Variants in NUDCD1 observed in about 807,000 individuals in gnomAD.
NUDCD1 encodes the protein NudC domain containing 1.
In NUDCD1, 60 loss-of-function variants were observed where a neutral mutation model predicts 67.8. The ratio of observed to expected loss-of-function variants is 0.88; its 90% CI spans 0.72 to 1.10. The LOEUF is 1.10. Ranked by LOEUF, NUDCD1 falls within the 50% of genes least tolerant of loss-of-function variation. The probability of loss-of-function intolerance (pLI) is 0.00; values close to 1 mark genes in which losing one functional copy is unlikely to be tolerated. For synonymous variants in NUDCD1, 244 were observed against 230.8 expected (o/e 1.06, Z -0.52); for missense variants, 643 against 695.0 (o/e 0.93, Z 0.84).
intron 5 of NUDCD1, among the ~76,000 whole-genome samples, chr8:109,287,641 G>T (rs1814606695): frequency 6.6e-6 from 1 of 152,126 alleles, no homozygotes; most frequent in Non-Finnish European, 1.5e-5. Flanking sequence ...ACTACTAGAG[G>T]GGGTAGAAAG....
chr8:109,296,255 A>G, intron 3 of NUDCD1, 129 bp downstream of exon 3: 2 of 758,302 alleles, frequency 2.6e-6, no homozygotes, highest in Non-Finnish European at 4.4e-6. Flanking sequence ...AAAGAGATCC[A>G]AAACATTATA....
At chr8:109,310,072 A>G (rs1815206620) in intron 2 of NUDCD1, among the ~76,000 whole-genome samples, 1 of 152,202 alleles carries the variant, frequency 6.6e-6, no homozygotes, top group Admixed American at 6.5e-5. Flanking sequence ...TACAAATTCA[A>G]TGCAATACCC....
chr8:109,290,478 G>A lies in NUDCD1; in HGVS notation c.641-545C>T, dbSNP rs116766575. Among the ~76,000 whole-genome samples the A allele has an allele frequency of 8.6e-3, 1,307 of 152,160 alleles. 27 individuals are homozygous for A. Among genetic ancestry groups the A allele is most frequent in the African/African-American group, 0.029 (1,221 of 41,500 alleles). On this transcript the variant is annotated intron_variant, in intron 4 of 9. Transcript: ENST00000239690. Reference sequence around the variant, plus strand: ...CTGAAAAGTGACAAATTGAGGACAAGGGGAAACATGCAGTGTGGTCTATTT... The same window carrying A: ...CTGAAAAGTGACAAATTGAGGACAAAGGGAAACATGCAGTGTGGTCTATTT...
chr8:109,249,844 A>G (rs921356823), intron 8 of NUDCD1, among the ~76,000 whole-genome samples: 1 of 128,362 alleles, frequency 7.8e-6, no homozygotes, highest in East Asian at 2.4e-4. Context: ...GAATTGTTGA[A>G]TTCTTTTTTT....
intron 1 of NUDCD1, among the ~76,000 whole-genome samples, chr8:109,324,146 G>T (rs529705143): frequency 6.7e-6 from 1 of 150,042 alleles, no homozygotes; most frequent in South Asian, 2.1e-4. Flanking sequence ...TAGAATGGGA[G>T]AAAATATTTG....
At chr8:109,310,531 GA>G (rs1266137433) in intron 2 of NUDCD1, among the ~76,000 whole-genome samples, 1 of 152,136 alleles carries the variant, frequency 6.6e-6, no homozygotes, top group Non-Finnish European at 1.5e-5. Flanking sequence ...GATAACATTG[GA>G]AAAACCCTTC....
rs998554212 is a variant in NUDCD1 at position 109,245,463 on chromosome 8, G to A, written c.1318C>T (p.Gln440Ter). The A allele has an allele frequency of 6.2e-7, 1 of 1,607,184 alleles. No homozygotes were observed. Among genetic ancestry groups the A allele is most frequent in the Non-Finnish European group, 8.5e-7 (1 of 1,177,696 alleles). Residue 440 changes from glutamine to a stop codon, truncating the protein, a stop_gained, in exon 9 of 10, where the codon CAG (glutamine) becomes TAG (stop). Transcript: ENST00000239690. LOFTEE classifies it high-confidence loss of function. The part of the protein sequence containing the change: ...TTHVVNLGSN[Q>*]YLFSVIVDPK... ...TCCACTATGACAGAGAAAAGGTACTGGTTGCTTCCAAGATTCACCTAAAAA... is the reference window on the plus strand; with the variant it reads ...TCCACTATGACAGAGAAAAGGTACTAGTTGCTTCCAAGATTCACCTAAAAA...
At chr8:109,333,019 T>C (rs1815847478) in intron 1 of NUDCD1, among the ~76,000 whole-genome samples, 1 of 152,236 alleles carries the variant, frequency 6.6e-6, no homozygotes, top group Admixed American at 6.5e-5. Flanking sequence ...TAGCTAATAG[T>C]CCTCTTTTGT....
chr8:109,251,809 T>C (rs1813629388), intron 8 of NUDCD1, among the ~76,000 whole-genome samples: 1 of 152,034 alleles, frequency 6.6e-6, no homozygotes, highest in Non-Finnish European at 1.5e-5. Flanking sequence ...TTAGATTTAG[T>C]TTGCTCTTCT....
At chr8:109,317,100 A>G (rs888853288) in intron 2 of NUDCD1, among the ~76,000 whole-genome samples, 2 of 152,252 alleles carry the variant, frequency 1.3e-5, no homozygotes, top group African/African-American at 4.8e-5. Flanking sequence ...GAAACCTAAG[A>G]GGAAACTGAT....
intron 9 of NUDCD1, among the ~76,000 whole-genome samples, chr8:109,245,079 G>T (rs954767852): frequency 3.9e-5 from 6 of 152,060 alleles, no homozygotes; most frequent in Non-Finnish European, 7.4e-5. Context: ...AATTCAAGTG[G>T]TTAGATAACC....
chr8:109,312,838 G>C (rs1476114784), intron 2 of NUDCD1, among the ~76,000 whole-genome samples: 1 of 152,170 alleles, frequency 6.6e-6, no homozygotes, highest in Non-Finnish European at 1.5e-5. Context: ...GCATGACCGT[G>C]ATGGAGCAGG....
chr8:109,306,154 T>C (rs1314330993), intron 2 of NUDCD1, among the ~76,000 whole-genome samples: 1 of 152,196 alleles, frequency 6.6e-6, no homozygotes, highest in Non-Finnish European at 1.5e-5. Flanking sequence ...ATTGCCAGTT[T>C]ACACTTTTCT....
chr8:109,319,218 C>A (rs1161597424), intron 2 of NUDCD1, among the ~76,000 whole-genome samples: 2 of 152,128 alleles, frequency 1.3e-5, no homozygotes, highest in African/African-American at 4.8e-5. Flanking sequence ...CATGATCCGC[C>A]CGCCTCTGCC....
At chr8:109,267,535 A>G (rs1249638780) in intron 8 of NUDCD1, among the ~76,000 whole-genome samples, 1 of 152,200 alleles carries the variant, frequency 6.6e-6, no homozygotes, top group Non-Finnish European at 1.5e-5. Context: ...CAGCAATCCC[A>G]TGACTGTATA....
At chr8:109,301,111 T>A (rs540257908) in intron 2 of NUDCD1, among the ~76,000 whole-genome samples, 1 of 152,248 alleles carries the variant, frequency 6.6e-6, no homozygotes, top group African/African-American at 2.4e-5. Flanking sequence ...AGCCATCATA[T>A]CCCCTGTGAC....
intron 2 of NUDCD1, among the ~76,000 whole-genome samples, chr8:109,305,602 T>C (rs1293351551): frequency 2.6e-5 from 4 of 152,136 alleles, no homozygotes; most frequent in African/African-American, 9.7e-5. Flanking sequence ...TGAACTTTTA[T>C]ATGGATGCAG....
At chr8:109,266,601 T>C (rs2129934362) in intron 8 of NUDCD1, among the ~76,000 whole-genome samples, 1 of 152,254 alleles carries the variant, frequency 6.6e-6, no homozygotes, top group East Asian at 1.9e-4. Flanking sequence ...TTGTGTATTT[T>C]ATATTTATAC....
At chr8:109,324,046 A>C (rs2130138242) in intron 1 of NUDCD1, among the ~76,000 whole-genome samples, 1 of 152,202 alleles carries the variant, frequency 6.6e-6, no homozygotes, top group African/African-American at 2.4e-5. Flanking sequence ...CAAAAAGACA[A>C]ATGGGATTAT....
Sources: gnomAD v4.1 joint callset for allele counts (sites outside exome capture counted in the v4.1 genomes callset) on GRCh38, gnomAD v4.1.1 for gene constraint, MANE v1.5 for transcripts, NCBI Gene and HGNC (gene_info 2026-07-23, HGNC 2026-07-21) for gene names.